NRXN3: variants seen among roughly 807,000 people sequenced by gnomAD.
NRXN3 encodes neurexin III.
NRXN3 carries 32 observed loss-of-function variants against 137.6 expected under a neutral mutation model. The observed-to-expected ratio is 0.23, with a 90% confidence interval of 0.18 to 0.31. NRXN3 has a LOEUF of 0.31. Among genes scored for constraint, NRXN3 ranks in the 10% least tolerant of loss-of-function variants. The probability of loss-of-function intolerance (pLI) is 1.00; values close to 1 mark genes in which losing one functional copy is unlikely to be tolerated. For missense variants in NRXN3, 1,574 were observed against 2,062.5 expected, an observed-to-expected ratio of 0.76 and a Z score of 4.59; for synonymous variants, 798 against 784.5, an observed-to-expected ratio of 1.02 and a Z score of -0.29.
At chr14:79,380,178 T>C (rs2094428478) in intron 15 of NRXN3, among the ~76,000 whole-genome samples, 1 of 146,804 alleles carries the variant, frequency 6.8e-6, no homozygotes, top group Non-Finnish European at 1.5e-5. Flanking sequence ...GGTAGATATA[T>C]TTATTTATTT....
intron 8 of NRXN3, 93 bp downstream of exon 8, chr14:78,715,232 T>C (rs952420320): frequency 6.9e-6 from 10 of 1,452,100 alleles, no homozygotes; most frequent in Non-Finnish European, 9.2e-6. Flanking sequence ...CGCACCTACC[T>C]GCACTTTCTT....
At chr14:79,291,594 T>C (rs1009612205) in intron 15 of NRXN3, among the ~76,000 whole-genome samples, 2 of 147,866 alleles carry the variant, frequency 1.4e-5, no homozygotes, top group African/African-American at 4.9e-5. Context: ...TTATAGGTAA[T>C]ATAAGGCACA....
chr14:79,784,027 A>T (rs540712571), intron 19 of NRXN3, among the ~76,000 whole-genome samples: 77 of 152,224 alleles, frequency 5.1e-4, no homozygotes, highest in African/African-American at 1.7e-3. Flanking sequence ...ACTCCCTGAA[A>T]CCTCTCTCCT....
chr14:78,741,269 C>T (rs760151538), intron 8 of NRXN3, among the ~76,000 whole-genome samples: 5 of 152,168 alleles, frequency 3.3e-5, no homozygotes, highest in African/African-American at 4.8e-5. Context: ...TTCCCTCCCT[C>T]TCCCTCTTTT....
At chr14:78,696,554 G>A (rs141644619) in intron 6 of NRXN3, among the ~76,000 whole-genome samples, 91 of 152,110 alleles carry the variant, frequency 6.0e-4, no homozygotes, top group Non-Finnish European at 1.1e-3. Context: ...TCAACTCAGA[G>A]TATATGCTTC....
intron 1 of NRXN3, among the ~76,000 whole-genome samples, chr14:78,240,017 T>A (rs2066878623): frequency 6.6e-6 from 1 of 152,254 alleles, no homozygotes. Flanking sequence ...AGTCTTTACT[T>A]AAATTTCACC....
chr14:79,542,743 C>T (rs547542550), intron 16 of NRXN3, among the ~76,000 whole-genome samples: 1 of 152,244 alleles, frequency 6.6e-6, no homozygotes, highest in South Asian at 2.1e-4. Context: ...ACCCTAAACG[C>T]TCTTTTGGCA....
intron 17 of NRXN3, among the ~76,000 whole-genome samples, chr14:79,684,442 G>T (rs1285158500): frequency 6.6e-6 from 1 of 152,084 alleles, no homozygotes; most frequent in Non-Finnish European, 1.5e-5. Flanking sequence ...TAGATATTTT[G>T]GGAATAATAA....
Position 79,861,510 on chromosome 14 carries a change from T to A in NRXN3, c.4262T>A (p.Val1421Glu), listed in dbSNP as rs1289723278. Residue 1421 changes from valine to glutamate, a missense_variant, in exon 21 of 21, where the codon GTG becomes GAG. Coordinates refer to ENST00000335750, the MANE Select transcript of NRXN3 (RefSeq NM_001330195.2). This position sits in a 1 kb window ranked among gnomAD's most constrained non-coding sequence, Gnocchi z 5.4. ...ACAGCTTCCTCCTCGTCTGGGATGGTGCCCAAATTGCCAGCTGGCAAAATG... is the reference window on the plus strand; with the variant it reads ...ACAGCTTCCTCCTCGTCTGGGATGGAGCCCAAATTGCCAGCTGGCAAAATG... ...RFTASSSSGM[V>E]PKLPAGKMNN... is the part of the protein sequence containing the mutation. 1 of 1,540,790 alleles carries A rather than the reference T, an allele frequency of 6.5e-7. No individual in the cohort carries two copies. Among genetic ancestry groups the A allele is most frequent in the Non-Finnish European group, 8.7e-7 (1 of 1,147,544 alleles).
chr14:78,457,751 A>G (rs1227489274), intron 4 of NRXN3, among the ~76,000 whole-genome samples: 3 of 152,206 alleles, frequency 2.0e-5, no homozygotes, highest in Admixed American at 6.5e-5. Flanking sequence ...GTATATGTGC[A>G]TACACACGTA....
At chr14:79,113,931 A>G (rs1380738988) in intron 15 of NRXN3, among the ~76,000 whole-genome samples, 1 of 152,168 alleles carries the variant, frequency 6.6e-6, no homozygotes, top group African/African-American at 2.4e-5. Flanking sequence ...GATACTGTCC[A>G]CGCTGCTAGT....
intron 17 of NRXN3, among the ~76,000 whole-genome samples, chr14:79,685,246 C>T (rs561710789): frequency 6.6e-6 from 1 of 152,226 alleles, no homozygotes; most frequent in East Asian, 1.9e-4. Flanking sequence ...TTTTAATTCT[C>T]ACCGCAATCC....
chr14:78,774,395 A>G (rs1320582568), intron 8 of NRXN3, among the ~76,000 whole-genome samples: 2 of 152,224 alleles, frequency 1.3e-5, no homozygotes, highest in African/African-American at 4.8e-5. Flanking sequence ...TGTGTGAACA[A>G]AGGGAATAAT....
chr14:79,591,028 C>T (rs2097798673), intron 16 of NRXN3, among the ~76,000 whole-genome samples: 1 of 152,068 alleles, frequency 6.6e-6, no homozygotes, highest in Non-Finnish European at 1.5e-5. Flanking sequence ...ATGAAGCAAA[C>T]AGATACAGTG....
intron 4 of NRXN3, among the ~76,000 whole-genome samples, chr14:78,627,739 G>T (rs990505800): frequency 6.6e-6 from 1 of 152,206 alleles, no homozygotes; most frequent in Non-Finnish European, 1.5e-5. Context: ...GGGAAAGCAT[G>T]AAACTATACT....
intron 4 of NRXN3, among the ~76,000 whole-genome samples, chr14:78,413,801 G>A (rs1010481154): frequency 2.0e-5 from 3 of 152,138 alleles, no homozygotes; most frequent in Non-Finnish European, 4.4e-5. Context: ...CCACTATAGT[G>A]TTTGAGGTCA....
intron 19 of NRXN3, among the ~76,000 whole-genome samples, chr14:79,718,802 T>C (rs907125566): frequency 1.3e-5 from 2 of 152,216 alleles, no homozygotes; most frequent in Non-Finnish European, 2.9e-5. Context: ...CATTTGTCTA[T>C]ATCTATAAAG....
At chr14:79,230,982 A>C (rs990978406) in intron 15 of NRXN3, among the ~76,000 whole-genome samples, 1 of 152,192 alleles carries the variant, frequency 6.6e-6, no homozygotes, top group Non-Finnish European at 1.5e-5. Context: ...AGCATCAGCT[A>C]TATTTATTTA....
At chr14:78,314,319 A>G (rs1361993104) in intron 4 of NRXN3, among the ~76,000 whole-genome samples, 1 of 152,218 alleles carries the variant, frequency 6.6e-6, no homozygotes, top group African/African-American at 2.4e-5. Flanking sequence ...GCTAACTGCT[A>G]TGACAATTCC....
Sources: allele counts gnomAD v4.1 joint callset (sites outside exome capture counted in the v4.1 genomes callset), GRCh38; gene constraint gnomAD v4.1.1; non-coding constraint Gnocchi (gnomAD v3.1); transcripts MANE v1.5; gene names NCBI Gene and HGNC (gene_info 2026-07-23, HGNC 2026-07-21).